The following TENM2 variants were observed in gnomAD, a reference collection of about 807,000 sequenced individuals.
The protein encoded by TENM2 is teneurin transmembrane protein 2, also known as teneurin-2.
Under a neutral mutation model 245.2 loss-of-function variants are expected in TENM2, and 52 were observed. The observed-to-expected ratio is 0.21, with a 90% CI of 0.17 to 0.27. The LOEUF is 0.27. TENM2 is among the 10% of genes least tolerant of loss of function. The pLI, the probability that TENM2 is intolerant of heterozygous loss-of-function variation, is 1.00. For synonymous variants in TENM2, 1,363 were observed against 1,438.9 expected (o/e 0.95, Z 1.19); for missense variants, 3,046 against 3,666.8 (o/e 0.83, Z 4.37).
intron 2 of TENM2, among the ~76,000 whole-genome samples, chr5:167,409,945 A>G (rs1762823325): frequency 6.6e-6 from 1 of 152,024 alleles, no homozygotes; most frequent in Admixed American, 6.6e-5. Flanking sequence ...GAAAGTATCA[A>G]AAAATTAGGA....
chr5:168,036,717 G>T (rs1484949375), intron 5 of TENM2, among the ~76,000 whole-genome samples: 4 of 124,902 alleles, frequency 3.2e-5, no homozygotes, highest in Non-Finnish European at 5.0e-5. Flanking sequence ...GTATATATAT[G>T]TATGTGTATA....
chr5:168,003,324 C>T (rs977311735), intron 5 of TENM2, among the ~76,000 whole-genome samples: 1 of 136,006 alleles, frequency 7.4e-6, no homozygotes, highest in Non-Finnish European at 1.6e-5. Context: ...CACACACACA[C>T]ACACACACAC....
chr5:167,960,991 G>T (rs777599083), intron 4 of TENM2, among the ~76,000 whole-genome samples: 4 of 152,240 alleles, frequency 2.6e-5, no homozygotes, highest in African/African-American at 9.6e-5. Context: ...GTGAGGCGAC[G>T]CCCCGCCCTG....
chr5:168,204,538 C>T (rs376888998), exon 19 of TENM2: 11 of 1,613,904 alleles, frequency 6.8e-6, no homozygotes, highest in East Asian at 6.7e-5. Flanking sequence ...CTGTTGGAAT[C>T]GATGGGAGCC....
rs771538856 is a variant in TENM2, at chr5:168,246,889, C to A, written c.5950C>A (p.Arg1984Ser). 34 of 1,613,888 alleles carry A rather than the reference C, an allele frequency of 2.1e-5. No homozygotes were observed. Among genetic ancestry groups the A allele is most frequent in the Non-Finnish European group, 2.9e-5 (34 of 1,179,916 alleles). Residue 1984 changes from arginine (R) to serine (S), a missense_variant, in exon 27 of 29, where the codon CGT (arginine) becomes AGT (serine). Arg to Ser is a moderately radical substitution (Grantham distance 110). Coordinates refer to ENST00000518659, the Ensembl canonical transcript of TENM2. ...CACACACACCTCCATCGGCTACATC[C>A]GTAATATTTACAACCCGCCTGAAAG...
intron 12 of TENM2, among the ~76,000 whole-genome samples, chr5:168,140,025 G>A (rs1755399198): frequency 6.6e-6 from 1 of 152,216 alleles, no homozygotes; most frequent in South Asian, 2.1e-4. Flanking sequence ...TACCTCCAGG[G>A]CAGGATTAGT....
chr5:167,816,409 C>T (rs1285452569), intron 2 of TENM2, among the ~76,000 whole-genome samples: 1 of 152,166 alleles, frequency 6.6e-6, no homozygotes, highest in Non-Finnish European at 1.5e-5. Context: ...CTTTCTCTTG[C>T]TTCATTTACA....
intron 2 of TENM2, among the ~76,000 whole-genome samples, chr5:167,691,409 A>G (rs1757422273): frequency 6.6e-6 from 1 of 152,216 alleles, no homozygotes; most frequent in Non-Finnish European, 1.5e-5. Context: ...GTTTCAAGGG[A>G]AGGAAGTAGA....
the TENM2 span, among the ~76,000 whole-genome samples, chr5:167,000,065 G>A: frequency 1.5e-4 from 23 of 152,284 alleles, no homozygotes; most frequent in Admixed American, 4.6e-4. Context: ...GTTAGATGCT[G>A]TAGAGGCATC....
chr5:167,771,187 T>C (rs1763381497), intron 2 of TENM2, among the ~76,000 whole-genome samples: 1 of 152,052 alleles, frequency 6.6e-6, no homozygotes, highest in Non-Finnish European at 1.5e-5. Context: ...CTTGATAGAT[T>C]AGCCCAGCAC....
chr5:167,963,010 C>A (rs1415171965), intron 4 of TENM2, among the ~76,000 whole-genome samples: 1 of 152,050 alleles, frequency 6.6e-6, no homozygotes, highest in Non-Finnish European at 1.5e-5. Flanking sequence ...CATGTATTGT[C>A]CCATTAAAGA....
At chr5:167,398,585 A>G (rs184299064) in intron 2 of TENM2, among the ~76,000 whole-genome samples, 5 of 151,978 alleles carry the variant, frequency 3.3e-5, no homozygotes, top group African/African-American at 1.2e-4. Context: ...GATTACAGGC[A>G]TGCACCACCA....
chr5:167,882,438 A>C (rs1004294704), intron 3 of TENM2, among the ~76,000 whole-genome samples: 1 of 152,208 alleles, frequency 6.6e-6, no homozygotes, highest in Non-Finnish European at 1.5e-5. Context: ...CTCCTGATTC[A>C]CAGCATGATT....
chr5:167,872,516 GAA>G (rs1230369609), intron 2 of TENM2, among the ~76,000 whole-genome samples: 3 of 49,650 alleles, frequency 6.0e-5, no homozygotes, highest in Admixed American at 1.7e-4. Context: ...AAGAAAGAAA[GAA>G]AGAAAGAAAG....
At chr5:167,731,641 C>A (rs970234366) in intron 2 of TENM2, among the ~76,000 whole-genome samples, 1 of 145,554 alleles carries the variant, frequency 6.9e-6, no homozygotes. Flanking sequence ...TGTGTTTGGT[C>A]TAATTGAATC....
chr5:168,216,628 C>T (rs1763222978), intron 21 of TENM2, 140 bp from the exon 24 acceptor site: 1 of 745,984 alleles, frequency 1.3e-6, no homozygotes, highest in South Asian at 1.7e-5. Context: ...GGCTGAGAAC[C>T]ACTGCTCTGA....
At chr5:167,804,714 G>C (rs1441018221) in intron 2 of TENM2, among the ~76,000 whole-genome samples, 2 of 152,022 alleles carry the variant, frequency 1.3e-5, no homozygotes, top group African/African-American at 4.8e-5. Context: ...ACTTTCAAGA[G>C]CACACTTTAT....
chr5:166,989,513 T>C, the TENM2 span, among the ~76,000 whole-genome samples: 4 of 151,984 alleles, frequency 2.6e-5, no homozygotes, highest in Admixed American at 1.3e-4. Flanking sequence ...CCCAAAGTGC[T>C]GCAATTACAG....
At chr5:167,513,833 C>G (rs1176483682) in intron 2 of TENM2, among the ~76,000 whole-genome samples, 2 of 152,144 alleles carry the variant, frequency 1.3e-5, no homozygotes, top group Non-Finnish European at 2.9e-5. Context: ...CTATTGTTAG[C>G]TGTGCTATCG....
Sources: gnomAD v4.1 joint callset for allele counts (sites outside exome capture counted in the v4.1 genomes callset) on GRCh38, gnomAD v4.1.1 for gene constraint, MANE v1.5 for transcripts, NCBI Gene and HGNC (gene_info 2026-07-23, HGNC 2026-07-21) for gene names.